Variants in RSRC1 observed in about 807,000 individuals in gnomAD.
RSRC1 encodes the protein serine/Arginine-related protein 53.
Under a neutral mutation model 49.1 loss-of-function variants are expected in RSRC1, and 39 were observed. The observed-to-expected ratio is 0.79, with a 90% confidence interval of 0.61 to 1.04. RSRC1 has a LOEUF of 1.04. Ranked by LOEUF, RSRC1 falls within the 50% of genes least tolerant of loss-of-function variation. The probability of loss-of-function intolerance (pLI) is 0.00; values close to 1 mark genes in which losing one functional copy is unlikely to be tolerated. For synonymous variants in RSRC1, 143 were observed against 130.8 expected (o/e 1.09, Z -0.63); for missense variants, 388 against 402.4 (o/e 0.96, Z 0.31).
chr3:158,156,981 T>C (rs1717916959), intron 3 of RSRC1, among the ~76,000 whole-genome samples: 1 of 152,194 alleles, frequency 6.6e-6, no homozygotes, highest in Non-Finnish European at 1.5e-5. Flanking sequence ...GCCACAAACC[T>C]TCAATTTGTA....
chr3:158,167,444 G>A (rs1302969279), intron 3 of RSRC1, among the ~76,000 whole-genome samples: 1 of 152,194 alleles, frequency 6.6e-6, no homozygotes, highest in African/African-American at 2.4e-5. Flanking sequence ...ACCCGCCTTG[G>A]CCTTCCAAAG....
At chr3:158,233,768 A>G (rs951781167) in intron 4 of RSRC1, among the ~76,000 whole-genome samples, 20 of 152,126 alleles carry the variant, frequency 1.3e-4, no homozygotes, top group Non-Finnish European at 2.6e-4. Context: ...TAATTCCCCA[A>G]CATCACCATG....
At chr3:158,411,050 T>C (rs187279996) in intron 6 of RSRC1, among the ~76,000 whole-genome samples, 22 of 152,304 alleles carry the variant, frequency 1.4e-4, no homozygotes, top group African/African-American at 5.0e-4. Flanking sequence ...ATGGGAATCA[T>C]ACAGTATGCA....
chr3:158,493,984 C>T (rs186500799), intron 7 of RSRC1, among the ~76,000 whole-genome samples: 14 of 152,018 alleles, frequency 9.2e-5, no homozygotes, highest in Non-Finnish European at 1.9e-4. Flanking sequence ...AATAAACATA[C>T]CTGAGATAGA....
chr3:158,436,350 G>A (rs375445503), intron 6 of RSRC1, among the ~76,000 whole-genome samples: 4 of 151,946 alleles, frequency 2.6e-5, no homozygotes, highest in African/African-American at 9.7e-5. Flanking sequence ...TGTAGATAAA[G>A]CAAGTATGAA....
chr3:158,237,955 A>G (rs1003499403), intron 4 of RSRC1, among the ~76,000 whole-genome samples: 3 of 152,152 alleles, frequency 2.0e-5, no homozygotes, highest in South Asian at 2.1e-4. Flanking sequence ...AATAGCTCCT[A>G]TTATTTTGAG....
chr3:158,457,191 G>C (rs1410890658), intron 6 of RSRC1, among the ~76,000 whole-genome samples: 1 of 152,096 alleles, frequency 6.6e-6, no homozygotes, highest in Non-Finnish European at 1.5e-5. Context: ...CTTGTTCAAA[G>C]TAAAAAGAAA....
chr3:158,417,401 T>C (rs1173308658), intron 6 of RSRC1, among the ~76,000 whole-genome samples: 1 of 152,082 alleles, frequency 6.6e-6, no homozygotes, highest in Non-Finnish European at 1.5e-5. Context: ...TTTTCTTCCT[T>C]TCCTCTCCTG....
At position 158,165,037 on chromosome 3, in the gene RSRC1, A is replaced by G. The variant is rs912984207; in HGVS notation, c.321-38035A>G. On this transcript the variant is annotated intron_variant, in intron 3 of 9. Transcript: ENST00000611884. ...TGCCAATTAGGAGGTTGAGTATACT[A>G]AAATAAAAGCAAATGCAACCAAAAT... Among the ~76,000 whole-genome samples the G allele has an allele frequency of 8.5e-5, 13 of 152,316 alleles. No homozygotes were observed. The East Asian group carries it at 2.3e-3, about 27-fold the overall frequency.
At chr3:158,302,149 C>T (rs2108125841) in intron 5 of RSRC1, among the ~76,000 whole-genome samples, 1 of 151,736 alleles carries the variant, frequency 6.6e-6, no homozygotes, top group African/African-American at 2.4e-5. Context: ...AGATTTTAGC[C>T]TGCTTGCATG....
rs1224593967 is a variant in RSRC1 at position 158,517,845 on chromosome 3, C to G, written c.653-19247C>G. On this transcript the variant is annotated intron_variant, in intron 7 of 9. Coordinates refer to ENST00000611884, the MANE Select transcript of RSRC1 (RefSeq NM_001271838.2). The stretch of plus-strand genomic sequence containing the variant: ...TCTTGAAATCGTGGACTCAGGCAGT[C>G]CTCCTGCCTCTGCTTCGCAAAGTGA... Among the ~76,000 whole-genome samples, 4 of 137,408 alleles carry G rather than the reference C, an allele frequency of 2.9e-5. No homozygotes were observed. The South Asian group carries it at 6.8e-4, about 24-fold the overall frequency. 90.1% of individuals were successfully genotyped at this position (137,408 alleles called of 152,430 possible).
chr3:158,122,543 T>A (rs1465484513), intron 2 of RSRC1, among the ~76,000 whole-genome samples: 1 of 151,694 alleles, frequency 6.6e-6, no homozygotes, highest in Non-Finnish European at 1.5e-5. Context: ...TAATTTAATT[T>A]AATTTTTTTT....
chr3:158,490,344 A>G (rs935416476), intron 7 of RSRC1, among the ~76,000 whole-genome samples: 8 of 152,188 alleles, frequency 5.3e-5, no homozygotes, highest in Non-Finnish European at 8.8e-5. Flanking sequence ...TCACCCTTCC[A>G]AAGTGCTGGG....
At position 158,539,491 on chromosome 3, in the gene RSRC1, T is replaced by C. The variant is rs1301380377; in HGVS notation, c.759+2293T>C. Among the ~76,000 whole-genome samples the C allele has an allele frequency of 6.6e-6, 1 of 152,032 alleles. No individual in the cohort carries two copies. The highest frequency in any genetic ancestry group is 2.4e-5 in the African/African-American group (1 of 41,424). On this transcript the variant is annotated intron_variant, in intron 8 of 9. Coordinates refer to ENST00000611884, the MANE Select transcript of RSRC1 (RefSeq NM_001271838.2). The surrounding 1 kb of genome is among the most constrained non-coding windows in gnomAD (Gnocchi z 4.1). ...CTTAGTATGAGTTATTCAACCCTAA[T>C]GTTGTTGTATCTGGCAGATACCCAC...
chr3:158,426,248 C>T (rs1735433327), intron 6 of RSRC1, among the ~76,000 whole-genome samples: 1 of 151,026 alleles, frequency 6.6e-6, no homozygotes, highest in South Asian at 2.1e-4. Context: ...TGATGAAAGG[C>T]AAAATAAACA....
chr3:158,298,707 A>G, intron 5 of RSRC1, among the ~76,000 whole-genome samples: 1 of 152,100 alleles, frequency 6.6e-6, no homozygotes, highest in Admixed American at 6.6e-5. Flanking sequence ...AGCCCACTGT[A>G]TTGAGTGTTT....
At chr3:158,228,632 G>A (rs1289202799) in intron 4 of RSRC1, among the ~76,000 whole-genome samples, 1 of 151,868 alleles carries the variant, frequency 6.6e-6, no homozygotes, top group Non-Finnish European at 1.5e-5. Flanking sequence ...ATCATTAGAT[G>A]AAAGCAGTTT....
intron 3 of RSRC1, among the ~76,000 whole-genome samples, chr3:158,136,368 C>A (rs1716377544): frequency 6.6e-6 from 1 of 152,144 alleles, no homozygotes; most frequent in Admixed American, 6.5e-5. Flanking sequence ...ATAATTAAAT[C>A]CGCTAAAAGG....
intron 5 of RSRC1, among the ~76,000 whole-genome samples, chr3:158,315,914 G>A (rs1290203562): frequency 6.6e-6 from 1 of 152,160 alleles, no homozygotes. Flanking sequence ...GCTCACGCCT[G>A]CAATCCCAGT....
Sources: gnomAD v4.1 joint callset for allele counts (sites outside exome capture counted in the v4.1 genomes callset) on GRCh38, gnomAD v4.1.1 for gene constraint, Gnocchi (gnomAD v3.1) non-coding constraint, MANE v1.5 for transcripts, NCBI Gene and HGNC (gene_info 2026-07-23, HGNC 2026-07-21) for gene names.